PECR: variants seen among roughly 807,000 people sequenced by gnomAD.
The protein encoded by PECR is 2,4-dienoyl-CoA reductase-related protein.
Under a neutral mutation model 35.3 loss-of-function variants are expected in PECR, and 30 were observed. That is an observed-to-expected ratio of 0.85 (90% CI 0.64 to 1.15). The LOEUF (loss-of-function observed/expected upper bound fraction) is 1.15. Among genes scored for constraint, PECR ranks in the 50% most tolerant of loss-of-function variants. The pLI is 0.00. For missense variants in PECR, 392 were observed against 370.8 expected (o/e 1.06, Z -0.47); for synonymous variants, 148 against 138.9 (o/e 1.07, Z -0.46).
chr2:216,030,942 TCTCTCTCTCTCTCTCACACACACA>T (rs1416455773), intron 7 of PECR, among the ~76,000 whole-genome samples: 7 of 61,208 alleles, frequency 1.1e-4, no homozygotes, highest in African/African-American at 3.0e-4. Flanking sequence ...TCTCTCTCTC[TCTCTCTCTCTCTCTCACACACACA>T]CACACACACA....
downstream of PECR, among the ~76,000 whole-genome samples, chr2:216,036,042 G>A (rs759503070): frequency 1.3e-5 from 2 of 152,226 alleles, no homozygotes; most frequent in African/African-American, 4.8e-5. Context: ...CAGACACCAT[G>A]ACTATCTGGG....
chr2:216,029,897 A>C (rs1389353877), intron 7 of PECR, among the ~76,000 whole-genome samples: 1 of 152,170 alleles, frequency 6.6e-6, no homozygotes, highest in East Asian at 1.9e-4. Flanking sequence ...AAGCAAACCA[A>C]ATGTTTGTAG....
downstream of PECR, among the ~76,000 whole-genome samples, chr2:216,036,705 A>G (rs912556911): frequency 6.6e-6 from 1 of 152,192 alleles, no homozygotes; most frequent in African/African-American, 2.4e-5. Flanking sequence ...TCAGCCTTGC[A>G]GCATGGTCTG....
intron 4 of PECR, among the ~76,000 whole-genome samples, chr2:216,053,816 C>T (rs1054425915): frequency 1.3e-5 from 2 of 152,100 alleles, no homozygotes; most frequent in African/African-American, 2.4e-5. Flanking sequence ...TCTCTAGCTT[C>T]CCTAAAAAAT....
intron 1 of PECR, among the ~76,000 whole-genome samples, chr2:216,072,293 T>C (rs1344059583): frequency 6.6e-6 from 1 of 152,188 alleles, no homozygotes; most frequent in Non-Finnish European, 1.5e-5. Flanking sequence ...TAAATAAAGT[T>C]CACAAAGGCA....
chr2:216,076,517 G>C (rs1695701564), intron 1 of PECR, among the ~76,000 whole-genome samples: 1 of 152,184 alleles, frequency 6.6e-6, no homozygotes, highest in Non-Finnish European at 1.5e-5. Flanking sequence ...TCTTGCTATT[G>C]TTCCTGGTGC....
At chr2:216,029,403 G>C (rs575445828) in intron 7 of PECR, among the ~76,000 whole-genome samples, 1 of 152,168 alleles carries the variant, frequency 6.6e-6, no homozygotes, top group African/African-American at 2.4e-5. Flanking sequence ...GCTTGAACCT[G>C]GGAGGTAGAG....
At chr2:216,060,568 G>A (rs1003481384) in intron 3 of PECR, among the ~76,000 whole-genome samples, 8 of 152,124 alleles carry the variant, frequency 5.3e-5, no homozygotes, top group African/African-American at 9.7e-5. Flanking sequence ...AGGCTGAAGC[G>A]GGGAGGATTG....
chr2:216,077,329 AC>A (rs368094723), intron 1 of PECR, among the ~76,000 whole-genome samples: 101,470 of 151,118 alleles, frequency 0.67, 34,659 homozygotes, highest in African/African-American at 0.78. Flanking sequence ...ACACGGTGAA[AC>A]CCCCGTCTCT....
intron 6 of PECR, among the ~76,000 whole-genome samples, chr2:216,048,800 G>A (rs1695045954): frequency 1.5e-5 from 2 of 129,704 alleles, no homozygotes; most frequent in Admixed American, 1.8e-4. Context: ...CTATGATCGT[G>A]ACACTATACT....
chr2:216,030,163 G>A (rs568008015), intron 7 of PECR, among the ~76,000 whole-genome samples: 11 of 152,296 alleles, frequency 7.2e-5, no homozygotes, highest in African/African-American at 2.6e-4. Flanking sequence ...AGACAAATTT[G>A]TAAAAATATA....
downstream of PECR, among the ~76,000 whole-genome samples, chr2:216,037,479 T>C (rs574362212): frequency 1.3e-5 from 2 of 152,316 alleles, no homozygotes; most frequent in South Asian, 4.1e-4. Context: ...CCCTCTAACA[T>C]GGTTTGTAAT....
At chr2:216,034,403 T>G (rs553142512), downstream of PECR, among the ~76,000 whole-genome samples, 69 of 152,284 alleles carry the variant, frequency 4.5e-4, no homozygotes, top group Admixed American at 6.5e-4. Context: ...CTGCTGTCCA[T>G]CTAGGCTATT....
At chr2:216,031,669 AAGAAAGAAAGAAAGAAAGAAAGAGAAAG>A (rs1559204070) in intron 7 of PECR, among the ~76,000 whole-genome samples, 1 of 81,406 alleles carries the variant, frequency 1.2e-5, no homozygotes, top group East Asian at 3.7e-4. Flanking sequence ...GAAAGAAAGA[AAGAAAGAAAGAAAGAAAGAAAGAGAAAG>A]AAAGAAAGAA....
At chr2:216,035,506 G>C (rs925651968), downstream of PECR, among the ~76,000 whole-genome samples, 1 of 135,634 alleles carries the variant, frequency 7.4e-6, no homozygotes, top group East Asian at 2.2e-4. Flanking sequence ...TTTTTTTTTC[G>C]AGACAGGGTC....
At chr2:216,068,679 G>A (rs537660743) in intron 1 of PECR, among the ~76,000 whole-genome samples, 1 of 152,132 alleles carries the variant, frequency 6.6e-6, no homozygotes, top group South Asian at 2.1e-4. Context: ...TTACTCTGTT[G>A]CCTAGGCTGG....
At chr2:216,070,172 ATTTTT>A (rs1695559705) in intron 1 of PECR, among the ~76,000 whole-genome samples, 1 of 152,154 alleles carries the variant, frequency 6.6e-6, no homozygotes, top group Non-Finnish European at 1.5e-5. Flanking sequence ...AGGTTTTTAA[ATTTTT>A]ATTTTTAACT....
chr2:216,033,690 G>A (rs893086606), downstream of PECR: 3 of 152,540 alleles, frequency 2.0e-5, no homozygotes, highest in South Asian at 2.1e-4. Flanking sequence ...TACCTATCTT[G>A]GAGTGGGGAG....
chr2:216,074,793 C>A (rs2105969135), intron 1 of PECR, among the ~76,000 whole-genome samples: 1 of 152,324 alleles, frequency 6.6e-6, no homozygotes, highest in African/African-American at 2.4e-5. Flanking sequence ...ACTTTCACTG[C>A]TAGAACTTTC....
Sources: gnomAD v4.1 joint callset for allele counts (sites outside exome capture counted in the v4.1 genomes callset) on GRCh38, gnomAD v4.1.1 for gene constraint, MANE v1.5 for transcripts, NCBI Gene and HGNC (gene_info 2026-07-23, HGNC 2026-07-21) for gene names.